The following MEIS2 variants were observed in gnomAD, a reference collection of about 807,000 sequenced individuals.
MEIS2 encodes Meis homeobox 2.
In MEIS2, 9 loss-of-function variants were observed where a neutral mutation model predicts 58.6. The ratio of observed to expected loss-of-function variants is 0.15; its 90% CI spans 0.09 to 0.27. The LOEUF is 0.27. Ranked by LOEUF, MEIS2 falls within the 10% of genes least tolerant of loss-of-function variation. The pLI is 1.00. For missense variants in MEIS2, 427 were observed against 635.0 expected, an observed-to-expected ratio of 0.67 and a Z score of 3.52; for synonymous variants, 221 against 228.4, an observed-to-expected ratio of 0.97 and a Z score of 0.29.
intron 7 of MEIS2, among the ~76,000 whole-genome samples, chr15:37,063,873 T>C (rs565875091): frequency 6.6e-6 from 1 of 152,274 alleles, no homozygotes; most frequent in African/African-American, 2.4e-5. Flanking sequence ...TGAACTAATA[T>C]AAAGAGAAAA....
At chr15:37,056,848 C>T (rs530458587) in intron 7 of MEIS2, among the ~76,000 whole-genome samples, 162 of 152,344 alleles carry the variant, frequency 1.1e-3, no homozygotes, top group Non-Finnish European at 2.0e-3. Context: ...CGAACCGCTC[C>T]CGCGGCAGCT....
intron 8 of MEIS2, among the ~76,000 whole-genome samples, chr15:37,017,189 G>A (rs772086470): frequency 3.3e-5 from 5 of 152,092 alleles, no homozygotes; most frequent in East Asian, 1.9e-4. Flanking sequence ...CATCAAACAC[G>A]AGTGACACAT....
chr15:37,099,300 G>C (rs1057381097), intron 1 of MEIS2, 155 bp downstream of exon 1: 233 of 1,510,756 alleles, frequency 1.5e-4, no homozygotes, highest in Non-Finnish European at 2.0e-4. Flanking sequence ...GGGAGGGAAA[G>C]AAGCCGATGA....
In MEIS2 at chr15:36,926,331, T is replaced by C. The variant is rs186186984; in HGVS notation, c.977+23993A>G. On this transcript the variant is annotated intron_variant, in intron 9 of 11. Transcript: ENST00000561208. ...GGGAATGAAACTATTTATGGAATGG[T>C]TTTACCTTTTCAAAAAAACAAGGTT... Among the ~76,000 whole-genome samples the C allele has an allele frequency of 6.4e-4, 97 of 152,238 alleles. 1 individual carries two copies. Among genetic ancestry groups the C allele is most frequent in the Admixed American group, 6.3e-3 (96 of 15,290 alleles).
At chr15:36,910,419 G>GATAT (rs2056953974) in intron 9 of MEIS2, among the ~76,000 whole-genome samples, 1 of 152,052 alleles carries the variant, frequency 6.6e-6, no homozygotes, top group Non-Finnish European at 1.5e-5. Context: ...TTAATAGAGT[G>GATAT]ATATATATTA....
rs1428475139 is a variant in MEIS2 at position 37,043,398 on chromosome 15, A to G, written c.755-6439T>C. 3.3e-5 allele frequency among the ~76,000 whole-genome samples: 5 copies of G among 152,296 alleles called. No homozygotes were observed. In the Middle Eastern group the frequency reaches 0.01, roughly 311 times the overall value. On this transcript the variant is annotated intron_variant, in intron 7 of 11. Coordinates refer to ENST00000561208, the MANE Select transcript of MEIS2 (RefSeq NM_170675.5). Reference sequence around the variant, plus strand: ...CACAAACATAGGTAGACAGATATCAATATTGATATCTTCCAGACAACCCAT... The same window carrying G: ...CACAAACATAGGTAGACAGATATCAGTATTGATATCTTCCAGACAACCCAT...
At chr15:37,047,024 A>G (rs1237181503) in intron 7 of MEIS2, among the ~76,000 whole-genome samples, 1 of 152,176 alleles carries the variant, frequency 6.6e-6, no homozygotes, top group Non-Finnish European at 1.5e-5. Flanking sequence ...AGATTGCTTA[A>G]TCTCTGTGGT....
intron 8 of MEIS2, among the ~76,000 whole-genome samples, chr15:36,993,687 C>T (rs80256821): frequency 0.018 from 2,673 of 152,190 alleles, 94 homozygotes; most frequent in African/African-American, 0.061. Context: ...TAAGCATTTT[C>T]AGCAATCTTA....
At chr15:36,975,508 C>T (rs59627686) in intron 8 of MEIS2, among the ~76,000 whole-genome samples, 1,638 of 133,974 alleles carry the variant, frequency 0.012, 33 homozygotes, top group African/African-American at 0.042. Context: ...ATTTACTGAA[C>T]GTCTACCATG....
intron 8 of MEIS2, among the ~76,000 whole-genome samples, chr15:36,974,597 G>T (rs1014804056): frequency 1.3e-5 from 2 of 152,160 alleles, no homozygotes; most frequent in South Asian, 4.1e-4. Context: ...CTGCCCCTCA[G>T]CCCACCTTAT....
chr15:36,987,990 T>C (rs2060147319), intron 8 of MEIS2, among the ~76,000 whole-genome samples: 1 of 152,202 alleles, frequency 6.6e-6, no homozygotes, highest in Non-Finnish European at 1.5e-5. Flanking sequence ...TGGAACAACA[T>C]TTTAGACTCT....
chr15:37,015,555 C>T (rs1331204649), intron 8 of MEIS2, among the ~76,000 whole-genome samples: 1 of 149,166 alleles, frequency 6.7e-6, no homozygotes, highest in Admixed American at 6.7e-5. Context: ...AGTCTTGTTC[C>T]AGGGTTGGTC....
intron 9 of MEIS2, among the ~76,000 whole-genome samples, chr15:36,912,397 G>A (rs2057073885): frequency 1.3e-5 from 2 of 152,328 alleles, no homozygotes; most frequent in Non-Finnish European, 2.9e-5. Context: ...GAGCCGTAAT[G>A]AGCTGCCTTT....
chr15:37,095,721 G>A, intron 3 of MEIS2, 107 bp from the exon 4 acceptor site: 1 of 1,514,376 alleles, frequency 6.6e-7, no homozygotes, highest in Non-Finnish European at 9.1e-7. Flanking sequence ...GAGGAAAGGG[G>A]CTTTGGCAAA....
intron 9 of MEIS2, among the ~76,000 whole-genome samples, chr15:36,946,633 T>C (rs901522798): frequency 5.9e-5 from 9 of 151,988 alleles, no homozygotes; most frequent in African/African-American, 2.2e-4. Flanking sequence ...ATTTTTACAA[T>C]TACTTATTTT....
intron 7 of MEIS2, among the ~76,000 whole-genome samples, chr15:37,054,531 C>T (rs1339897750): frequency 1.3e-5 from 2 of 152,210 alleles, no homozygotes; most frequent in Admixed American, 6.5e-5. Flanking sequence ...ATCCACCCAC[C>T]TCAGCCCCCT....
rs71403540 is a variant in MEIS2, at chr15:36,996,066, T to C, written c.900+40748A>G. On this transcript the variant is annotated intron_variant, in intron 8 of 11. Coordinates refer to ENST00000561208, the MANE Select transcript of MEIS2 (RefSeq NM_170675.5). ...ACACACATATATATATACACACACA[T>C]ATATATATATATATTTTTAAATATT... is the stretch of plus-strand genomic sequence containing the variant. 2.1e-3 allele frequency among the ~76,000 whole-genome samples: 132 copies of C among 62,278 alleles called. 1 individual carries two copies. Among genetic ancestry groups the C allele is most frequent in the East Asian group, 0.021 (15 of 714 alleles). 40.9% of individuals were successfully genotyped at this position (62,278 alleles called of 152,430 possible).
chr15:37,030,626 CG>C (rs1246914422), intron 8 of MEIS2, among the ~76,000 whole-genome samples: 1 of 149,914 alleles, frequency 6.7e-6, no homozygotes, highest in Non-Finnish European at 1.5e-5. Flanking sequence ...CGTGAGTCAT[CG>C]CCCCCAGCCT....
chr15:37,038,411 C>T (rs915978394), intron 7 of MEIS2, among the ~76,000 whole-genome samples: 3 of 152,192 alleles, frequency 2.0e-5, no homozygotes, highest in African/African-American at 7.2e-5. Context: ...TGCCAAAAAA[C>T]CCTCAACTTT....
Sources: allele counts gnomAD v4.1 joint callset (sites outside exome capture counted in the v4.1 genomes callset), GRCh38; gene constraint gnomAD v4.1.1; transcripts MANE v1.5; gene names NCBI Gene and HGNC (gene_info 2026-07-23, HGNC 2026-07-21).